Variants in SAMSN1 observed in about 807,000 individuals in gnomAD.
SAMSN1 encodes the protein SAM domain-containing protein SAMSN-1.
SAMSN1 carries 31 observed loss-of-function variants against 42.0 expected under a neutral mutation model. The ratio of observed to expected loss-of-function variants is 0.74; its 90% CI spans 0.55 to 1.00. The LOEUF is 1.00. Ranked by LOEUF, SAMSN1 falls within the 50% of genes least tolerant of loss-of-function variation. The pLI, the probability that SAMSN1 is intolerant of heterozygous loss-of-function variation, is 0.00. For synonymous variants in SAMSN1, 178 were observed against 151.9 expected, an observed-to-expected ratio of 1.17 and a Z score of -1.26; for missense variants, 464 against 439.4, an observed-to-expected ratio of 1.06 and a Z score of -0.50.
intron 7 of SAMSN1, among the ~76,000 whole-genome samples, chr21:14,491,495 A>G (rs1986683318): frequency 6.6e-6 from 1 of 152,206 alleles, no homozygotes; most frequent in Non-Finnish European, 1.5e-5. Context: ...CATTCTTATC[A>G]TCAAGGACAG....
chr21:14,553,253 A>C (rs1168828350), intron 2 of SAMSN1, among the ~76,000 whole-genome samples: 1 of 152,040 alleles, frequency 6.6e-6, no homozygotes, highest in Non-Finnish European at 1.5e-5. Flanking sequence ...TTCATGGCTG[A>C]GTTAAATATT....
At chr21:14,583,969 C>A (rs886570108), upstream of SAMSN1, among the ~76,000 whole-genome samples, 2 of 150,866 alleles carry the variant, frequency 1.3e-5, no homozygotes, top group Non-Finnish European at 2.9e-5. Flanking sequence ...TTACAACTGG[C>A]CAGGCATACT....
At position 14,535,736 on chromosome 21, in the gene SAMSN1, C is replaced by T. The variant is rs1216000669; in HGVS notation, c.57+10469G>A. On this transcript the variant is annotated intron_variant, in intron 1 of 7. Coordinates refer to ENST00000400566, the MANE Select transcript of SAMSN1 (RefSeq NM_022136.5). ...GAGCACACAGACACAGATGAAGAGGCAATAAAAGGGCAGCCATCTACATGT... is the reference window on the plus strand; with the variant it reads ...GAGCACACAGACACAGATGAAGAGGTAATAAAAGGGCAGCCATCTACATGT... 6.6e-5 allele frequency among the ~76,000 whole-genome samples: 10 copies of T among 152,078 alleles called. 1 individual carries two copies. Among genetic ancestry groups the T allele is most frequent in the Non-Finnish European group, 1.5e-4 (10 of 68,004 alleles).
intron 7 of SAMSN1, among the ~76,000 whole-genome samples, chr21:14,491,145 C>T (rs1200189018): frequency 6.6e-6 from 1 of 152,188 alleles, no homozygotes; most frequent in African/African-American, 2.4e-5. Flanking sequence ...GTTAATTAAA[C>T]CCATTTACAT....
At chr21:14,537,300 C>T (rs574661027) in intron 1 of SAMSN1, among the ~76,000 whole-genome samples, 1 of 152,292 alleles carries the variant, frequency 6.6e-6, no homozygotes, top group South Asian at 2.1e-4. Context: ...CACTTTCTTC[C>T]AGTCCTTTTT....
chr21:14,512,928 T>G (rs1367074746), intron 3 of SAMSN1, among the ~76,000 whole-genome samples: 1 of 152,250 alleles, frequency 6.6e-6, no homozygotes, highest in Non-Finnish European at 1.5e-5. Flanking sequence ...GTTGTCCTTA[T>G]GCTCTATTTA....
intron 6 of SAMSN1, chr21:14,598,151 T>G (rs956335288): frequency 1.3e-5 from 2 of 152,136 alleles, no homozygotes; most frequent in African/African-American, 4.8e-5. Flanking sequence ...GGTTCAGTCC[T>G]GGGTAGGGGT....
At chr21:14,546,322 A>T, upstream of SAMSN1, 1 of 1,607,586 alleles carries the variant, frequency 6.2e-7, no homozygotes, top group Non-Finnish European at 8.5e-7. Context: ...AACTGAAAAC[A>T]GTCAGCAGTG....
intron 2 of SAMSN1, among the ~76,000 whole-genome samples, chr21:14,573,504 A>C (rs535896353): frequency 6.6e-6 from 1 of 152,238 alleles, no homozygotes; most frequent in African/African-American, 2.4e-5. Flanking sequence ...AGGAGATGGG[A>C]TAGAGGAAGT....
At chr21:14,499,050 G>A (rs781031903) in intron 6 of SAMSN1, among the ~76,000 whole-genome samples, 1 of 152,120 alleles carries the variant, frequency 6.6e-6, no homozygotes, top group South Asian at 2.1e-4. Flanking sequence ...CATTCTTGGG[G>A]TAGGTTAAAA....
chr21:14,630,618 A>G (rs117291466), intron 2 of SAMSN1, among the ~76,000 whole-genome samples: 62 of 152,330 alleles, frequency 4.1e-4, no homozygotes, highest in Non-Finnish European at 6.9e-4. Flanking sequence ...ATGTAATCAT[A>G]GATATAACAG....
chr21:14,548,113 C>T (rs1053314307), upstream of SAMSN1, among the ~76,000 whole-genome samples: 4 of 152,064 alleles, frequency 2.6e-5, no homozygotes, highest in East Asian at 1.9e-4. Context: ...CATAAAAATA[C>T]GTTTTTAAGT....
At chr21:14,646,857 A>T (rs1983723096) in intron 1 of SAMSN1, among the ~76,000 whole-genome samples, 1 of 152,178 alleles carries the variant, frequency 6.6e-6, no homozygotes, top group Admixed American at 6.5e-5. Context: ...GCAGGTTAAA[A>T]TAATGAGTCA....
At chr21:14,557,157 G>T (rs1159316308) in intron 2 of SAMSN1, among the ~76,000 whole-genome samples, 1 of 152,214 alleles carries the variant, frequency 6.6e-6, no homozygotes, top group Non-Finnish European at 1.5e-5. Flanking sequence ...CATCCACGGA[G>T]AACCTGTGGT....
chr21:14,578,927 T>C (rs967490241), intron 2 of SAMSN1, among the ~76,000 whole-genome samples: 1 of 152,152 alleles, frequency 6.6e-6, no homozygotes, highest in Non-Finnish European at 1.5e-5. Context: ...GTAACATTCA[T>C]TACAGAAGCA....
At chr21:14,515,095 T>C (rs1027619797) in intron 3 of SAMSN1, among the ~76,000 whole-genome samples, 2 of 152,086 alleles carry the variant, frequency 1.3e-5, no homozygotes, top group African/African-American at 4.8e-5. Context: ...GTGGATGTTT[T>C]ATATGTAAGG....
intron 1 of SAMSN1, among the ~76,000 whole-genome samples, chr21:14,527,045 G>C (rs1438241221): frequency 2.6e-5 from 4 of 152,188 alleles, no homozygotes; most frequent in East Asian, 1.9e-4. Context: ...ATTTGCATTT[G>C]TGAGGCACAC....
At position 14,510,421 on chromosome 21, in the gene SAMSN1, G is replaced by A; in HGVS notation, c.450C>T (p.Asp150=). 8 of 1,614,164 alleles carry A rather than the reference G, an allele frequency of 5.0e-6. No homozygotes were observed. Among genetic ancestry groups the A allele is most frequent in the Non-Finnish European group, 6.8e-6 (8 of 1,180,010 alleles). The change falls in exon 5 of 8, where the codon GAC becomes GAT. Residue 150 remains aspartate (D), a synonymous_variant. Transcript: ENST00000400566. ...TSCSDGTSNR[D]SFRLDDDGPY... ...GGCCATCGTCATCCAGTCGAAAGCT[G>A]TCCCGGTTACTTGTACCATCTGAAC...
At chr21:14,653,113 T>G (rs1401383657) in intron 1 of SAMSN1, among the ~76,000 whole-genome samples, 1 of 152,070 alleles carries the variant, frequency 6.6e-6, no homozygotes, top group East Asian at 1.9e-4. Context: ...ACAACCACTA[T>G]GGAGAACAGT....
Sources: allele counts gnomAD v4.1 joint callset (sites outside exome capture counted in the v4.1 genomes callset), GRCh38; gene constraint gnomAD v4.1.1; transcripts MANE v1.5; gene names NCBI Gene and HGNC (gene_info 2026-07-23, HGNC 2026-07-21).